FAF1: variants seen among roughly 807,000 people sequenced by gnomAD.
The protein encoded by FAF1 is FAS-associated factor 1.
A neutral mutation model predicts 92.5 loss-of-function variants in FAF1; 25 were observed. The ratio of observed to expected loss-of-function variants is 0.27; its 90% CI spans 0.20 to 0.38. The LOEUF (loss-of-function observed/expected upper bound fraction) is 0.38. Among genes scored for constraint, FAF1 ranks in the 10% least tolerant of loss-of-function variants. FAF1 has a pLI of 1.00. For synonymous variants in FAF1, 234 were observed against 273.2 expected (o/e 0.86, Z 1.42); for missense variants, 636 against 793.3 (o/e 0.80, Z 2.38).
intron 1 of FAF1, among the ~76,000 whole-genome samples, chr1:50,899,716 C>G (rs1416938175): frequency 6.6e-6 from 1 of 152,216 alleles, no homozygotes; most frequent in Admixed American, 6.5e-5. Flanking sequence ...TCCCAAAGTG[C>G]TGGGATTACA....
chr1:50,856,624 C>T (rs900469494), intron 2 of FAF1, among the ~76,000 whole-genome samples: 1 of 151,604 alleles, frequency 6.6e-6, no homozygotes, highest in Non-Finnish European at 1.5e-5. Context: ...ATCTGGAAGT[C>T]CATTTGGTTA....
At chr1:50,621,391 C>CTTTTTTTTTTTTTTTTT (rs36053834) in intron 8 of FAF1, among the ~76,000 whole-genome samples, 2 of 89,216 alleles carry the variant, frequency 2.2e-5, no homozygotes, top group African/African-American at 9.4e-5. Context: ...TTCTTTTTTT[C>CTTTTTTTTTTTTTTTTT]TTTTTTTTTT....
chr1:50,928,792 A>AAAAAAAAAAAAAAAAAAAAG (rs1476028768), intron 1 of FAF1, among the ~76,000 whole-genome samples: 1 of 145,014 alleles, frequency 6.9e-6, no homozygotes, highest in Non-Finnish European at 1.5e-5. Context: ...CAAAAAAAAA[A>AAAAAAAAAAAAAAAAAAAAG]AAAAAAAAAA....
intron 4 of FAF1, among the ~76,000 whole-genome samples, chr1:50,746,409 T>G (rs1659627277): frequency 6.9e-6 from 1 of 145,454 alleles, no homozygotes; most frequent in South Asian, 2.3e-4. Flanking sequence ...GGTCAAGCAA[T>G]TCTCCTGCCT....
At chr1:50,724,296 T>TACACACACACACAC (rs974347882) in intron 6 of FAF1, among the ~76,000 whole-genome samples, 43 of 117,216 alleles carry the variant, frequency 3.7e-4, no homozygotes, top group African/African-American at 1.0e-3. Flanking sequence ...CACACACACA[T>TACACACACACACAC]ACACACACAC....
intron 2 of FAF1, among the ~76,000 whole-genome samples, chr1:50,806,640 G>A (rs2124599546): frequency 6.6e-6 from 1 of 152,296 alleles, no homozygotes; most frequent in Admixed American, 6.5e-5. Context: ...GTCATGGCCA[G>A]AGGATTGGGA....
At chr1:50,848,583 G>C (rs1441429427) in intron 2 of FAF1, among the ~76,000 whole-genome samples, 1 of 152,180 alleles carries the variant, frequency 6.6e-6, no homozygotes, top group South Asian at 2.1e-4. Context: ...GGAGAAAACT[G>C]GGAGACGCTA....
intron 14 of FAF1, among the ~76,000 whole-genome samples, chr1:50,536,274 G>A (rs61781015): frequency 6.6e-6 from 1 of 151,956 alleles, no homozygotes; most frequent in Non-Finnish European, 1.5e-5. Flanking sequence ...GCCATTTCCT[G>A]AACACATTTA....
intron 6 of FAF1, among the ~76,000 whole-genome samples, chr1:50,712,218 T>A (rs553122503): frequency 1.3e-5 from 2 of 152,352 alleles, no homozygotes; most frequent in Admixed American, 6.5e-5. Flanking sequence ...TCTGTAATAC[T>A]GATTTTCCTA....
At chr1:50,740,555 C>T (rs1659341643) in intron 5 of FAF1, among the ~76,000 whole-genome samples, 1 of 152,134 alleles carries the variant, frequency 6.6e-6, no homozygotes, top group South Asian at 2.1e-4. Flanking sequence ...TTGAAATACA[C>T]TCTGGCGTTT....
chr1:50,495,311 G>GT (rs1360741393), intron 15 of FAF1, among the ~76,000 whole-genome samples: 1 of 152,118 alleles, frequency 6.6e-6, no homozygotes, highest in Non-Finnish European at 1.5e-5. Flanking sequence ...ATCTCCATGT[G>GT]TTTAATTGTT....
intron 7 of FAF1, among the ~76,000 whole-genome samples, chr1:50,699,716 GC>G (rs1316753090): frequency 6.6e-6 from 1 of 152,056 alleles, no homozygotes; most frequent in African/African-American, 2.4e-5. Flanking sequence ...ATTAGAATGA[GC>G]CTTCCTTTTC....
At chr1:50,861,780 T>C (rs1160464242) in intron 1 of FAF1, among the ~76,000 whole-genome samples, 3 of 151,732 alleles carry the variant, frequency 2.0e-5, no homozygotes, top group Non-Finnish European at 4.4e-5. Context: ...CTTGAAAGAC[T>C]AGAAAGGAAA....
chr1:50,930,390 A>G (rs1292280019), intron 1 of FAF1, among the ~76,000 whole-genome samples: 1 of 152,214 alleles, frequency 6.6e-6, no homozygotes, highest in Non-Finnish European at 1.5e-5. Context: ...GTAGTGGAAA[A>G]AAAGCTCTGA....
In FAF1 at chr1:50,583,763, T is replaced by A; in HGVS notation, c.968-48A>T. The A allele has an allele frequency of 7.7e-7, 1 of 1,293,880 alleles. No homozygotes were observed. Among genetic ancestry groups the A allele is most frequent in the Non-Finnish European group, 1.1e-6 (1 of 914,780 alleles). 80.1% of individuals were successfully genotyped at this position (1,293,880 alleles called of 1,614,324 possible). A position where few individuals can be genotyped will look rare whatever the true frequency, so the allele number is the denominator to read the frequency against. Reference sequence around the variant, plus strand: ...AACAAAAACAAAAAAACAAAACAAATAGACACAAAAACAAACCACATAACA... The same window carrying A: ...AACAAAAACAAAAAAACAAAACAAAAAGACACAAAAACAAACCACATAACA... On this transcript the variant is annotated intron_variant, in intron 10 of 18. Coordinates refer to ENST00000396153, the MANE Select transcript of FAF1 (RefSeq NM_007051.3). This position sits in a 1 kb window ranked among gnomAD's most constrained non-coding sequence, Gnocchi z 4.2.
chr1:50,912,590 T>A (rs1379309076), intron 1 of FAF1, among the ~76,000 whole-genome samples: 1 of 152,208 alleles, frequency 6.6e-6, no homozygotes, highest in East Asian at 1.9e-4. Flanking sequence ...ACTCTGGTTA[T>A]CACAACCTAC....
intron 2 of FAF1, among the ~76,000 whole-genome samples, chr1:50,845,311 ACT>A (rs1377436572): frequency 6.6e-6 from 1 of 151,942 alleles, no homozygotes; most frequent in Non-Finnish European, 1.5e-5. Context: ...GGTCCAGAAC[ACT>A]CTCTCTCTGC....
intron 4 of FAF1, among the ~76,000 whole-genome samples, chr1:50,751,947 G>T (rs554310570): frequency 4.6e-5 from 7 of 152,234 alleles, no homozygotes; most frequent in African/African-American, 1.7e-4. Flanking sequence ...AGCGTTTCAG[G>T]TTTTCTTTGT....
chr1:50,486,167 A>C (rs1423202067), intron 17 of FAF1, among the ~76,000 whole-genome samples: 2 of 152,112 alleles, frequency 1.3e-5, no homozygotes, highest in Non-Finnish European at 2.9e-5. Context: ...ATTACTTAAT[A>C]TTTTCTACTT....
Sources: allele counts gnomAD v4.1 joint callset (sites outside exome capture counted in the v4.1 genomes callset), GRCh38; gene constraint gnomAD v4.1.1; non-coding constraint Gnocchi (gnomAD v3.1); transcripts MANE v1.5; gene names NCBI Gene and HGNC (gene_info 2026-07-23, HGNC 2026-07-21).